The following SEC22C variants were observed in gnomAD, a reference collection of about 807,000 sequenced individuals.
SEC22C encodes the protein SEC22 homolog C, vesicle trafficking protein.
SEC22C carries 29 observed loss-of-function variants against 34.7 expected under a neutral mutation model. The observed-to-expected ratio is 0.84, with a 90% CI of 0.62 to 1.14. SEC22C has a LOEUF of 1.14. SEC22C is among the 50% of genes most tolerant of loss of function. The pLI, the probability that SEC22C is intolerant of heterozygous loss-of-function variation, is 0.00. For synonymous variants in SEC22C, 117 were observed against 132.8 expected (o/e 0.88, Z 0.82); for missense variants, 337 against 369.0 (o/e 0.91, Z 0.71).
At position 42,552,808 on chromosome 3, in the gene SEC22C, A is replaced by G; in HGVS notation, c.*440T>C. 1 of 976,914 alleles carries G rather than the reference A, an allele frequency of 1.0e-6. No individual in the cohort carries two copies. Among genetic ancestry groups the G allele is most frequent in the Non-Finnish European group, 1.2e-6 (1 of 817,972 alleles). The allele number at this position is 976,914 out of a possible 1,614,324, so 60.5% of individuals were successfully genotyped here. A position where few individuals can be genotyped will look rare whatever the true frequency, so the allele number is the denominator to read the frequency against. On this transcript the variant is annotated 3_prime_UTR_variant, in exon 7 of 7. Transcript: ENST00000264454. Reference sequence around the variant, plus strand: ...TAATTCATCCTGTACTGACCCTCTGAAAAAAAAAACTAATCAAGTTATGTT... The same window carrying G: ...TAATTCATCCTGTACTGACCCTCTGGAAAAAAAAACTAATCAAGTTATGTT...
intron 1 of SEC22C, among the ~76,000 whole-genome samples, chr3:42,578,675 A>G (rs1420871309): frequency 2.6e-5 from 4 of 152,230 alleles, no homozygotes; most frequent in Non-Finnish European, 4.4e-5. Context: ...TCTCTGTACT[A>G]TATTTGCAAA....
chr3:42,548,764 A>AT lies in SEC22C; in HGVS notation c.*4483dup. The AT allele has an allele frequency of 6.3e-7, 1 of 1,584,576 alleles. No homozygotes were observed. Among genetic ancestry groups the AT allele is most frequent in the Non-Finnish European group, 8.6e-7 (1 of 1,162,776 alleles). The stretch of plus-strand genomic sequence containing the variant: ...GCTGCTACCTTTTGGAGTGAAAAAA[A>AT]TGAGGTTTACACTGTAGTATAACAA... On this transcript the variant is annotated 3_prime_UTR_variant, in exon 7 of 7. Transcript: ENST00000264454.
In SEC22C at chr3:42,550,157, G is replaced by A. The variant is rs1233982156; in HGVS notation, c.*3091C>T. On this transcript the variant is annotated 3_prime_UTR_variant, in exon 7 of 7. Transcript: ENST00000264454. ...GAGCATGGAGCCACACTCTGGCCTT[G>A]ATACAGTAGATGGGACTTAACACAC... 1 of 985,456 alleles carries A rather than the reference G, an allele frequency of 1.0e-6. No individual in the cohort carries two copies. Among genetic ancestry groups the A allele is most frequent in the Non-Finnish European group, 1.2e-6 (1 of 829,926 alleles). The allele number at this position is 985,456 out of a possible 1,614,324, so 61.0% of individuals were successfully genotyped here. A position where few individuals can be genotyped will look rare whatever the true frequency, so the allele number is the denominator to read the frequency against.
chr3:42,565,882 A>G, intron 2 of SEC22C: 1 of 456,214 alleles, frequency 2.2e-6, no homozygotes, highest in South Asian at 1.6e-5. Context: ...GGTACTGCTC[A>G]CCTGTAAGAA....
intron 1 of SEC22C, among the ~76,000 whole-genome samples, chr3:42,596,208 G>C (rs1705024844): frequency 6.6e-6 from 1 of 152,120 alleles, no homozygotes; most frequent in Admixed American, 6.5e-5. Flanking sequence ...TTTTAGTAGA[G>C]ACGGGGTTTC....
chr3:42,599,208 G>C lies in SEC22C; in HGVS notation c.-28+1752C>G, dbSNP rs542470301. Among the ~76,000 whole-genome samples the C allele has an allele frequency of 4.4e-3, 660 of 149,478 alleles. 4 individuals carry two copies. The highest frequency in any genetic ancestry group is 0.015 in the African/African-American group (626 of 40,696). On this transcript the variant is annotated intron_variant, in intron 1 of 6. Coordinates refer to the SEC22C transcript ENST00000417572. ...TCTCGATCTCCTGACCTCGTGATCC[G>C]CCTGCCTCGGCCTCCCAAAGTGCTG...
At chr3:42,591,854 A>C (rs1704859804) in intron 1 of SEC22C, among the ~76,000 whole-genome samples, 1 of 152,166 alleles carries the variant, frequency 6.6e-6, no homozygotes. Context: ...CTTCACTCAA[A>C]GCTATGCCGG....
chr3:42,556,785 G>A (rs983817473), intron 5 of SEC22C, among the ~76,000 whole-genome samples: 8 of 152,050 alleles, frequency 5.3e-5, no homozygotes, highest in Admixed American at 6.5e-5. Flanking sequence ...GTGCAGTGGC[G>A]CAATTTTGGC....
intron 1 of SEC22C, chr3:42,590,764 C>A: frequency 4.4e-6 from 4 of 917,360 alleles, no homozygotes; most frequent in Non-Finnish European, 7.2e-6. Flanking sequence ...ATAGCTCTTG[C>A]GCGTCCAGTC....
chr3:42,600,174 A>G (rs1039568290), intron 1 of SEC22C, among the ~76,000 whole-genome samples: 2 of 152,196 alleles, frequency 1.3e-5, no homozygotes, highest in African/African-American at 2.4e-5. Context: ...GTCAGTAAGC[A>G]CAGGACAAAA....
chr3:42,598,315 C>A lies in SEC22C; in HGVS notation c.-28+2645G>T, dbSNP rs183595693. On this transcript the variant is annotated intron_variant, in intron 1 of 6. Transcript: ENST00000417572. ...CATGCTGAGTGAAATCACCCAGCTA[C>A]AAAAGAACAAATTTTTTTTTTTTTT... 8.4e-3 allele frequency among the ~76,000 whole-genome samples: 1,267 copies of A among 150,320 alleles called. 8 individuals are homozygous for A. The highest frequency in any genetic ancestry group is 0.014 in the Non-Finnish European group (915 of 67,696).
chr3:42,594,598 C>G, intron 1 of SEC22C: 1 of 1,120,222 alleles, frequency 8.9e-7, no homozygotes, highest in Non-Finnish European at 1.3e-6. Context: ...GAGACAGGGT[C>G]TTTACCAACT....
intron 2 of SEC22C, chr3:42,565,960 A>T: frequency 2.2e-6 from 1 of 448,856 alleles, no homozygotes; most frequent in Non-Finnish European, 4.4e-6. Context: ...TGAGTAGAAC[A>T]TTTTTTATTC....
intron 4 of SEC22C, among the ~76,000 whole-genome samples, chr3:42,560,630 A>G (rs751383769): frequency 2.0e-5 from 3 of 151,968 alleles, no homozygotes; most frequent in Non-Finnish European, 4.4e-5. Flanking sequence ...ATCCACTGTC[A>G]TAATAGTCAA....
At chr3:42,571,857 AC>A (rs1703649292) in intron 1 of SEC22C, among the ~76,000 whole-genome samples, 2 of 152,174 alleles carry the variant, frequency 1.3e-5, no homozygotes, top group Non-Finnish European at 2.9e-5. Flanking sequence ...ACATGGCGAA[AC>A]CCCGTCTCTA....
At chr3:42,582,122 C>G (rs1212793803), upstream of SEC22C, 1 of 152,238 alleles carries the variant, frequency 6.6e-6, no homozygotes. Flanking sequence ...TAAAGGGCTG[C>G]GACCCAAACG....
intron 1 of SEC22C, among the ~76,000 whole-genome samples, chr3:42,573,029 T>C (rs1214119885): frequency 1.3e-5 from 2 of 151,970 alleles, no homozygotes; most frequent in Non-Finnish European, 2.9e-5. Flanking sequence ...TACTTTTTTT[T>C]TCTGTAGACA....
At chr3:42,598,390 C>A (rs540108001) in intron 1 of SEC22C, among the ~76,000 whole-genome samples, 1 of 150,988 alleles carries the variant, frequency 6.6e-6, no homozygotes, top group South Asian at 2.1e-4. Context: ...TGCAGTGGCG[C>A]AATCTCGGCT....
chr3:42,552,704 G>T lies in SEC22C; in HGVS notation c.*544C>A. 4.1e-6 allele frequency: 4 copies of T among 978,816 alleles called. No individual in the cohort carries two copies. The highest frequency in any genetic ancestry group is 4.9e-6 in the Non-Finnish European group (4 of 824,350). 60.6% of individuals were successfully genotyped at this position (978,816 alleles called of 1,614,324 possible). On this transcript the variant is annotated 3_prime_UTR_variant, in exon 7 of 7. Coordinates refer to ENST00000264454, the MANE Select transcript of SEC22C (RefSeq NM_032970.4). ...CAAAATATAATTAAATATTCCAAAG[G>T]TATATCGAACCTAAGATATTGAAAA...
Sources: gnomAD v4.1 joint callset for allele counts (sites outside exome capture counted in the v4.1 genomes callset) on GRCh38, gnomAD v4.1.1 for gene constraint, MANE v1.5 for transcripts, NCBI Gene and HGNC (gene_info 2026-07-23, HGNC 2026-07-21) for gene names.